Variants in SERPINB3 observed in about 807,000 individuals in gnomAD.
The protein encoded by SERPINB3 is serpin B3.
A neutral mutation model predicts 33.0 loss-of-function variants in SERPINB3; 33 were observed. The observed-to-expected ratio is 1.00, with a 90% confidence interval of 0.76 to 1.34. The LOEUF (loss-of-function observed/expected upper bound fraction) is 1.34, where lower values mean the gene tolerates loss of function less well. SERPINB3 is among the 40% of genes most tolerant of loss of function. The pLI, the probability that SERPINB3 is intolerant of heterozygous loss-of-function variation, is 0.00. For synonymous variants in SERPINB3, 200 were observed against 170.9 expected (o/e 1.17, Z -1.33); for missense variants, 518 against 461.5 (o/e 1.12, Z -1.12).
In SERPINB3 at chr18:63,659,417, T is replaced by A. The variant is rs758875287; in HGVS notation, c.333A>T (p.Lys111Asn). The A allele has an allele frequency of 1.9e-6, 3 of 1,613,188 alleles. No homozygotes were observed. In the South Asian group the frequency reaches 3.3e-5, roughly 18 times the overall value. Residue 111 changes from lysine (K) to asparagine (N), a missense_variant, in exon 4 of 8, where the codon AAA becomes AAT. Physicochemically the swap from Lys to Asn is moderately conservative, Grantham distance 94. Transcript: ENST00000283752. The part of the protein sequence containing the change: ...LKIANKLFGE[K>N]TYLFLQEYLD... ...AAATTACCTGTAAAAATAGATACGT[T>A]TTTTCTCCGAAGAGCTTGTTGGCGA...
intron 5 of SERPINB3, among the ~76,000 whole-genome samples, chr18:63,657,923 A>G (rs145942466): frequency 6.6e-6 from 1 of 151,956 alleles, no homozygotes; most frequent in African/African-American, 2.4e-5. Flanking sequence ...ATTCACTCTC[A>G]TGTTGAGTTG....
Position 63,657,287 on chromosome 18 carries a change from T to C in SERPINB3, c.595A>G (p.Lys199Glu). The change falls in exon 6 of 8, where the codon AAA (lysine) becomes GAA (glutamate). Residue 199 changes from lysine (K) to glutamate (E), a missense_variant. Transcript: ENST00000283752. Reference sequence around the variant, plus strand: ...GACAATACCTTGTTTGGCCAAAATTTTTCCTCTTTAGTATCTTCTTTATTA... The same window carrying C: ...GACAATACCTTGTTTGGCCAAAATTCTTCCTCTTTAGTATCTTCTTTATTA... Reference protein sequence around the residue: ...KFNKEDTKEEKFWPNKNTYKS... With the variant: ...KFNKEDTKEEEFWPNKNTYKS... The C allele has an allele frequency of 6.3e-7, 1 of 1,582,638 alleles. No individual in the cohort carries two copies. Among genetic ancestry groups the C allele is most frequent in the Non-Finnish European group, 8.6e-7 (1 of 1,159,864 alleles).
Position 63,661,194 on chromosome 18 carries a change from T to C in SERPINB3, c.23A>G (p.Asn8Ser), listed in dbSNP as rs762019199. 18 of 1,613,502 alleles carry C rather than the reference T, an allele frequency of 1.1e-5. No individual in the cohort carries two copies. The highest frequency in any genetic ancestry group is 1.5e-5 in the Non-Finnish European group (18 of 1,179,540). MNSLSEANTKFMFDLFQQ... is the reference protein window; with the variant it reads MNSLSEASTKFMFDLFQQ... ...GAACAGGTCGAACATGAACTTGGTGTTGGCTTCACTGAGTGAATTCATGGT... is the reference window on the plus strand; with the variant it reads ...GAACAGGTCGAACATGAACTTGGTGCTGGCTTCACTGAGTGAATTCATGGT... Residue 8 changes from asparagine to serine, a missense_variant, in exon 2 of 8, where the codon AAC becomes AGC. Coordinates refer to ENST00000283752, the MANE Select transcript of SERPINB3 (RefSeq NM_006919.3).
chr18:63,660,691 T>C lies in SERPINB3; in HGVS notation c.222+109A>G. Reference sequence around the variant, plus strand: ...CACTCTGTATGTCTCAATCTTTGTGTCCAAGATTTTCCCTAAAAATGGCCT... The same window carrying C: ...CACTCTGTATGTCTCAATCTTTGTGCCCAAGATTTTCCCTAAAAATGGCCT... On this transcript the variant is annotated intron_variant, in intron 3 of 7. Transcript: ENST00000283752. The C allele has an allele frequency of 3.7e-6, 5 of 1,366,376 alleles. No homozygotes were observed. The Admixed American group carries it at 9.0e-5, about 25-fold the overall frequency. The allele number at this position is 1,366,376 out of a possible 1,614,324, so 84.6% of individuals were successfully genotyped here.
At chr18:63,656,550 C>G (rs781226869) in intron 7 of SERPINB3, among the ~76,000 whole-genome samples, 32 of 152,060 alleles carry the variant, frequency 2.1e-4, no homozygotes, top group Non-Finnish European at 2.6e-4. Context: ...CCTCACATTG[C>G]TATATATTTC....
At chr18:63,658,683 A>G (rs1430084927) in intron 4 of SERPINB3, 53 bp from the exon 5 acceptor site, 2 of 1,353,304 alleles carry the variant, frequency 1.5e-6, no homozygotes, top group Non-Finnish European at 2.1e-6. Context: ...ATGTAACTAT[A>G]TATTACCAAA....
At chr18:63,659,811 A>C (rs1188596559) in intron 3 of SERPINB3, among the ~76,000 whole-genome samples, 1 of 152,184 alleles carries the variant, frequency 6.6e-6, no homozygotes, top group Non-Finnish European at 1.5e-5. Context: ...GTTGGTTTAA[A>C]GGGTTAGGTT....
Position 63,657,006 on chromosome 18 carries a change from C to A in SERPINB3, c.613-20G>T. The A allele has an allele frequency of 6.3e-7, 1 of 1,575,372 alleles. No homozygotes were observed. Among genetic ancestry groups the A allele is most frequent in the Non-Finnish European group, 8.7e-7 (1 of 1,154,776 alleles). On this transcript the variant is annotated intron_variant, in intron 6 of 7. Transcript: ENST00000283752. Reference sequence around the variant, plus strand: ...TGTATTCTACAATAAATCAATGTGTCCAACAAATACCAAGTGAGACACAAG... The same window carrying A: ...TGTATTCTACAATAAATCAATGTGTACAACAAATACCAAGTGAGACACAAG...
Position 63,656,986 on chromosome 18 carries a change from TC to T in SERPINB3, c.613-1del. ...ATCATCTGTATGGACTTGTATGTAT[TC>T]TACAATAAATCAATGTGTCCAACAA... On this transcript the variant is annotated splice_acceptor_variant, in intron 6 of 7. Coordinates refer to ENST00000283752, the MANE Select transcript of SERPINB3 (RefSeq NM_006919.3). LOFTEE classifies it high-confidence loss of function. The T allele has an allele frequency of 6.3e-7, 1 of 1,599,436 alleles. No homozygotes were observed.
chr18:63,659,318 G>C (rs1202018417), intron 4 of SERPINB3, 81 bp downstream of exon 4: 1 of 1,478,478 alleles, frequency 6.8e-7, no homozygotes, highest in East Asian at 2.3e-5. Flanking sequence ...AGGCTCATCT[G>C]CCTTGCTTTC....
rs563454281 is a variant in SERPINB3, at chr18:63,655,612, T to C, written c.*45A>G. On this transcript the variant is annotated 3_prime_UTR_variant, in exon 8 of 8. Transcript: ENST00000283752. ...TGCCAGCAATCAGTTTACCAGAACA[T>C]CTGCAGGTGAACATTTTCCAAATGG... is the stretch of plus-strand genomic sequence containing the variant. 6.5e-7 allele frequency: 1 copy of C among 1,547,366 alleles called. No homozygotes were observed. Among genetic ancestry groups the C allele is most frequent in the Non-Finnish European group, 8.8e-7 (1 of 1,142,298 alleles).
At chr18:63,657,497 C>T (rs756007855) in intron 5 of SERPINB3, 85 bp from the exon 6 acceptor site, 72 of 1,170,536 alleles carry the variant, frequency 6.2e-5, no homozygotes, top group Non-Finnish European at 7.2e-5. Flanking sequence ...CGTGACTGAT[C>T]GTTAATTATT....
chr18:63,657,064 A>G, intron 6 of SERPINB3, 78 bp from the exon 7 acceptor site: 1 of 1,267,350 alleles, frequency 7.9e-7, no homozygotes, highest in Non-Finnish European at 1.1e-6. Flanking sequence ...ATATCAACAC[A>G]TCCTTCTTTT....
At position 63,655,902 on chromosome 18, in the gene SERPINB3, C is replaced by G. The variant is rs770224229; in HGVS notation, c.928G>C (p.Gly310Arg). ...GTCATGCCTGAGAGGTCTGCATCCCCATTGAAGATATCCACCATTCCCATG... is the reference window on the plus strand; with the variant it reads ...GTCATGCCTGAGAGGTCTGCATCCCGATTGAAGATATCCACCATTCCCATG... ...RTMGMVDIFNGDADLSGMTGS... is the reference protein window; with the variant it reads ...RTMGMVDIFNRDADLSGMTGS... The change falls in exon 8 of 8, where the codon GGG becomes CGG. Residue 310 changes from glycine (G) to arginine (R), a missense_variant. Gly to Arg is a moderately radical substitution (Grantham distance 125, BLOSUM62 -2). Coordinates refer to ENST00000283752, the MANE Select transcript of SERPINB3 (RefSeq NM_006919.3). 2 of 1,613,880 alleles carry G rather than the reference C, an allele frequency of 1.2e-6. No individual in the cohort carries two copies. The highest frequency in any genetic ancestry group is 2.7e-5 in the African/African-American group (2 of 74,910).
intron 5 of SERPINB3, 110 bp from the exon 6 acceptor site, chr18:63,657,522 C>T (rs1453259555): frequency 1.1e-6 from 1 of 892,798 alleles, no homozygotes; most frequent in Non-Finnish European, 1.6e-6. Flanking sequence ...CAAATCCCTA[C>T]TTGAGACTCA....
rs1235404017 is a variant in SERPINB3, at chr18:63,658,496, A to G, written c.469+17T>C. 1.3e-6 allele frequency: 2 copies of G among 1,597,888 alleles called. No individual in the cohort carries two copies. Among genetic ancestry groups the G allele is most frequent in the African/African-American group, 2.7e-5 (2 of 74,588 alleles). On this transcript the variant is annotated intron_variant, in intron 5 of 7. Coordinates refer to ENST00000283752, the MANE Select transcript of SERPINB3 (RefSeq NM_006919.3). Reference sequence around the variant, plus strand: ...TAGATTTCTCAAAGGTGTTTCTATAATGGGTGGCTCTCCTACCATTCGTTT... The same window carrying G: ...TAGATTTCTCAAAGGTGTTTCTATAGTGGGTGGCTCTCCTACCATTCGTTT...
intron 4 of SERPINB3, 191 bp downstream of exon 4, chr18:63,659,208 T>G (rs2144495571): frequency 1.6e-6 from 1 of 636,576 alleles, no homozygotes; most frequent in East Asian, 2.8e-5. Flanking sequence ...AAATCCACAC[T>G]TCAGTGATGT....
At chr18:63,661,563 C>CTTA (rs1913647435) in intron 1 of SERPINB3, among the ~76,000 whole-genome samples, 1 of 151,920 alleles carries the variant, frequency 6.6e-6, no homozygotes, top group African/African-American at 2.4e-5. Flanking sequence ...CTCTGTGGAT[C>CTTA]ACATCCAACC....
In SERPINB3 at chr18:63,655,881, T is replaced by A; in HGVS notation, c.949A>T (p.Met317Leu). 6.2e-7 allele frequency: 1 copy of A among 1,614,020 alleles called. No homozygotes were observed. Among genetic ancestry groups the A allele is most frequent in the East Asian group, 2.2e-5 (1 of 44,868 alleles). ...IFNGDADLSG[M>L]TGSRGLVLSG... ...AGCACGAGACCGCGGCTCCCGGTCATGCCTGAGAGGTCTGCATCCCCATTG... is the reference window on the plus strand; with the variant it reads ...AGCACGAGACCGCGGCTCCCGGTCAAGCCTGAGAGGTCTGCATCCCCATTG... The change falls in exon 8 of 8, where the codon ATG becomes TTG. Residue 317 changes from methionine to leucine, a missense_variant. Transcript: ENST00000283752.
Sources: gnomAD v4.1 joint callset for allele counts (sites outside exome capture counted in the v4.1 genomes callset) on GRCh38, gnomAD v4.1.1 for gene constraint, MANE v1.5 for transcripts, NCBI Gene and HGNC (gene_info 2026-07-23, HGNC 2026-07-21) for gene names.